Variants in ACO1 observed in about 807,000 individuals in gnomAD.
ACO1 encodes the protein aconitase 1.
ACO1 carries 78 observed loss-of-function variants against 105.1 expected under a neutral mutation model. The observed-to-expected ratio is 0.74, with a 90% CI of 0.62 to 0.90. The LOEUF is 0.90. Ranked by LOEUF, ACO1 falls within the 40% of genes least tolerant of loss-of-function variation. The pLI is 0.00. For missense variants in ACO1, 965 were observed against 1,111.1 expected (o/e 0.87, Z 1.87); for synonymous variants, 364 against 397.4 (o/e 0.92, Z 1.00).
Position 32,403,791 on chromosome 9 carries a change from C to T in ACO1, c.-22-1694C>T, listed in dbSNP as rs962768640. Among the ~76,000 whole-genome samples the T allele has an allele frequency of 2.6e-5, 4 of 152,204 alleles. No individual in the cohort carries two copies. In the East Asian group the frequency reaches 5.8e-4, roughly 22 times the overall value. ...TCTTGCTCAGTCCCGTGAGCGTTTC[C>T]CACCACTTCCCCTGCCTGCAGAGAC... is the stretch of plus-strand genomic sequence containing the variant. On this transcript the variant is annotated intron_variant, in intron 1 of 20. Coordinates refer to ENST00000309951, the MANE Select transcript of ACO1 (RefSeq NM_002197.3).
chr9:32,415,541 A>G (rs930133921), intron 4 of ACO1, among the ~76,000 whole-genome samples: 1 of 152,192 alleles, frequency 6.6e-6, no homozygotes, highest in Non-Finnish European at 1.5e-5. Context: ...CACACTGGAA[A>G]CATAGATCTG....
In ACO1 at chr9:32,420,848, C is replaced by G. The variant is rs1009677167; in HGVS notation, c.799-8C>G. ...ATCTCAAACTTTTCTGTTGTTTCTG[C>G]TGCTTAGCACCTCCGCCAGGTTGGG... On this transcript the variant is annotated splice_region_variant and splice_polypyrimidine_tract_variant and intron_variant, in intron 7 of 20. Coordinates refer to ENST00000309951, the MANE Select transcript of ACO1 (RefSeq NM_002197.3). 2 of 1,607,584 alleles carry G rather than the reference C, an allele frequency of 1.2e-6. No homozygotes were observed. The highest frequency in any genetic ancestry group is 2.7e-5 in the African/African-American group (2 of 74,766).
chr9:32,454,673 C>G lies in ACO1; in HGVS notation c.*4562C>G, dbSNP rs1014618720. On this transcript the variant is annotated 3_prime_UTR_variant, in exon 21 of 21. Coordinates refer to ENST00000309951, the MANE Select transcript of ACO1 (RefSeq NM_002197.3). ...GATCCACTTCCTAAAAGCCTACCTG[C>G]TCATTTCTTTCATTCAATACATATT... The G allele has an allele frequency of 2.6e-4, 39 of 152,310 alleles. No homozygotes were observed. The highest frequency in any genetic ancestry group is 8.4e-4 in the African/African-American group (35 of 41,572). 9.4% of individuals were successfully genotyped at this position (152,310 alleles called of 1,614,324 possible).
At chr9:32,448,864 A>AGTAT in intron 19 of ACO1, 32 bp from the exon 20 acceptor site, 2 of 1,613,220 alleles carry the variant, frequency 1.2e-6, no homozygotes, top group East Asian at 2.2e-5. Flanking sequence ...AAAGATTGGA[A>AGTAT]GTATGTCTAA....
chr9:32,425,443 GAATCCATAGTCTT>G lies in ACO1; in HGVS notation c.1189-390_1189-378del, dbSNP rs562485611. The stretch of plus-strand genomic sequence containing the variant: ...CTTTTTCTAAATTTCCATAAGGTTA[GAATCCATAGTCTT>G]AATCAGTCCATATCCATTAAACTGT... On this transcript the variant is annotated intron_variant, in intron 10 of 20. Coordinates refer to ENST00000309951, the MANE Select transcript of ACO1 (RefSeq NM_002197.3). Among the ~76,000 whole-genome samples, 66 of 152,314 alleles carry G rather than the reference GAATCCATAGTCTT, an allele frequency of 4.3e-4. 1 individual carries two copies. In the South Asian group the frequency reaches 0.013, roughly 31 times the overall value.
intron 1 of ACO1, among the ~76,000 whole-genome samples, chr9:32,402,632 G>A (rs1821521631): frequency 6.6e-6 from 1 of 152,194 alleles, no homozygotes; most frequent in Admixed American, 6.5e-5. Flanking sequence ...TTAGGGATGG[G>A]ATGAGTGTCT....
chr9:32,430,127 T>C (rs1182864896), intron 13 of ACO1, among the ~76,000 whole-genome samples: 1 of 152,256 alleles, frequency 6.6e-6, no homozygotes, highest in Non-Finnish European at 1.5e-5. Context: ...TGTTAGGTCT[T>C]TCCCACCTGT....
At chr9:32,410,477 G>A (rs762976086) in intron 4 of ACO1, among the ~76,000 whole-genome samples, 8 of 152,006 alleles carry the variant, frequency 5.3e-5, no homozygotes, top group Non-Finnish European at 5.9e-5. Flanking sequence ...GGAGAATGGC[G>A]TGAACTGGGG....
chr9:32,427,253 C>T, intron 11 of ACO1, 48 bp from the exon 12 acceptor site: 1 of 1,582,128 alleles, frequency 6.3e-7, no homozygotes, highest in Admixed American at 1.7e-5. Context: ...TGCCTGGCAC[C>T]TAGAGCAGGC....
intron 9 of ACO1, 34 bp downstream of exon 9, chr9:32,423,453 C>A: frequency 7.0e-7 from 1 of 1,418,914 alleles, no homozygotes; most frequent in Non-Finnish European, 9.7e-7. Context: ...CATGTATTTC[C>A]TCTTCCTCAA....
In ACO1 at chr9:32,407,358, T is replaced by C. The variant is rs1425999734; in HGVS notation, c.195T>C (p.His65=). ...VKKQDIENIL[H]WNVTQHKNIE... ...AACAGGATATTGAAAATATTCTACA[T>C]TGGAATGTCACGCAGCACAAGAACA... Residue 65 remains histidine, a synonymous_variant, in exon 3 of 21, where the codon CAT becomes CAC. Coordinates refer to ENST00000309951, the MANE Select transcript of ACO1 (RefSeq NM_002197.3). The C allele has an allele frequency of 2.5e-6, 4 of 1,614,038 alleles. No homozygotes were observed. The highest frequency in any genetic ancestry group is 1.3e-5 in the African/African-American group (1 of 74,936).
rs182157108 is a variant in ACO1, at chr9:32,417,568, G to A, written c.405-560G>A. 7.6e-4 allele frequency among the ~76,000 whole-genome samples: 115 copies of A among 152,252 alleles called. 1 individual carries two copies. The highest frequency in any genetic ancestry group is 2.4e-3 in the African/African-American group (100 of 41,544). Reference sequence around the variant, plus strand: ...TGAATGACGTTGAGTAAATCTTAGCGTATAATCTGTGGTTCACAGATGTTA... The same window carrying A: ...TGAATGACGTTGAGTAAATCTTAGCATATAATCTGTGGTTCACAGATGTTA... On this transcript the variant is annotated intron_variant, in intron 4 of 20. Coordinates refer to ENST00000309951, the MANE Select transcript of ACO1 (RefSeq NM_002197.3).
intron 1 of ACO1, among the ~76,000 whole-genome samples, chr9:32,395,654 C>T (rs1206529085): frequency 1.3e-5 from 2 of 152,106 alleles, no homozygotes; most frequent in East Asian, 1.9e-4. Flanking sequence ...GGCTCAGGGC[C>T]GGGTCAGATG....
intron 4 of ACO1, among the ~76,000 whole-genome samples, chr9:32,411,808 A>T (rs2118429624): frequency 1.3e-5 from 2 of 152,316 alleles, no homozygotes; most frequent in Non-Finnish European, 2.9e-5. Flanking sequence ...ATGTGTTAAG[A>T]CCTTAGAAAT....
intron 8 of ACO1, among the ~76,000 whole-genome samples, chr9:32,422,987 C>T (rs1164767458): frequency 6.6e-6 from 1 of 152,190 alleles, no homozygotes; most frequent in African/African-American, 2.4e-5. Flanking sequence ...CATAGGTGTG[C>T]TTTCACAATT....
chr9:32,430,502 G>A lies in ACO1; in HGVS notation c.1654G>A (p.Ala552Thr), dbSNP rs1822202719. The A allele has an allele frequency of 6.2e-7, 1 of 1,611,858 alleles. No individual in the cohort carries two copies. Among genetic ancestry groups the A allele is most frequent in the South Asian group, 1.1e-5 (1 of 90,428 alleles). Residue 552 changes from alanine to threonine, a missense_variant, in exon 14 of 21, where the codon GCC (alanine) becomes ACC (threonine). Physicochemically the swap from Ala to Thr is moderately conservative, Grantham distance 58. Coordinates refer to ENST00000309951, the MANE Select transcript of ACO1 (RefSeq NM_002197.3). ...CCCCAACACCCGGGCCAACTATTTA[G>A]CCTCTCCCCCCTTAGTAATAGCATA... ...VHPNTRANYL[A>T]SPPLVIAYAI... is the part of the protein sequence containing the mutation.
At chr9:32,449,520 CCCAGCA>C (rs1198835854) in intron 20 of ACO1, among the ~76,000 whole-genome samples, 3 of 152,174 alleles carry the variant, frequency 2.0e-5, no homozygotes, top group African/African-American at 7.2e-5. Flanking sequence ...AGATAAAGTG[CCCAGCA>C]CCAGGTCCCA....
At chr9:32,421,993 A>G (rs1821985649) in intron 8 of ACO1, among the ~76,000 whole-genome samples, 1 of 152,358 alleles carries the variant, frequency 6.6e-6, no homozygotes, top group Admixed American at 6.5e-5. Context: ...AGAAGTTTTT[A>G]TTAAATATAA....
At position 32,439,013 on chromosome 9, in the gene ACO1, C is replaced by T. The variant is rs1275090836; in HGVS notation, c.2248-1452C>T. Among the ~76,000 whole-genome samples, 1 of 152,176 alleles carries T rather than the reference C, an allele frequency of 6.6e-6. No individual in the cohort carries two copies. Among genetic ancestry groups the T allele is most frequent in the Non-Finnish European group, 1.5e-5 (1 of 68,018 alleles). ...TTCTCTTTAGAAGAGCGTAAGAGTG[C>T]AGGGAGCTGTTGCTTTCTAAGCTGT... is the stretch of plus-strand genomic sequence containing the variant. On this transcript the variant is annotated intron_variant, in intron 18 of 20. Coordinates refer to ENST00000309951, the MANE Select transcript of ACO1 (RefSeq NM_002197.3). This position sits in a 1 kb window ranked among gnomAD's most constrained non-coding sequence, Gnocchi z 4.0.
Sources: gnomAD v4.1 joint callset for allele counts (sites outside exome capture counted in the v4.1 genomes callset) on GRCh38, gnomAD v4.1.1 for gene constraint, Gnocchi (gnomAD v3.1) non-coding constraint, MANE v1.5 for transcripts, NCBI Gene and HGNC (gene_info 2026-07-23, HGNC 2026-07-21) for gene names.